Variants in DSC3 observed in about 807,000 individuals in gnomAD.
The protein encoded by DSC3 is desmocollin-3.
DSC3 carries 97 observed loss-of-function variants against 89.5 expected under a neutral mutation model. The ratio of observed to expected loss-of-function variants is 1.08; its 90% CI spans 0.92 to 1.28. The LOEUF (loss-of-function observed/expected upper bound fraction) is 1.28. Ranked by LOEUF, DSC3 falls within the 50% of genes most tolerant of loss-of-function variation. The pLI, the probability that DSC3 is intolerant of heterozygous loss-of-function variation, is 0.00. For synonymous variants in DSC3, 436 were observed against 384.1 expected (o/e 1.14, Z -1.58); for missense variants, 1,199 against 1,085.3 (o/e 1.10, Z -1.47).
chr18:30,994,496 C>T (rs1984389579), intron 15 of DSC3, 124 bp from the exon 16 acceptor site: 1 of 1,590,102 alleles, frequency 6.3e-7, no homozygotes, highest in Non-Finnish European at 8.6e-7. Flanking sequence ...CTAATGGATT[C>T]CTACACACAG....
At chr18:31,039,912 T>C (rs981362210) in intron 1 of DSC3, among the ~76,000 whole-genome samples, 3 of 152,224 alleles carry the variant, frequency 2.0e-5, no homozygotes, top group Non-Finnish European at 2.9e-5. Flanking sequence ...CTAGTTTTCA[T>C]CTACTTCCTT....
chr18:31,001,680 C>T lies in DSC3; in HGVS notation c.2173G>A (p.Glu725Lys), dbSNP rs1253348459. Reference protein sequence around the residue: ...FGATKGKRFPEDLAQQNLIIS... With the variant: ...FGATKGKRFPKDLAQQNLIIS... ...ATTAAGTTTTGCTGTGCTAAATCTT[C>T]AGGAAAACGTTTCCCTTTAGTTGCA... Residue 725 changes from glutamate (E) to lysine (K), a missense_variant, in exon 14 of 16, where the codon GAA (glutamate) becomes AAA (lysine). Glu to Lys is a moderately conservative substitution (Grantham distance 56, BLOSUM62 1). Transcript: ENST00000360428. The T allele has an allele frequency of 6.2e-7, 1 of 1,611,058 alleles. No homozygotes were observed. Among genetic ancestry groups the T allele is most frequent in the Admixed American group, 1.7e-5 (1 of 59,970 alleles).
At position 30,993,820 on chromosome 18, in the gene DSC3, TCACTTAAAGTGAATAC is replaced by T. The variant is rs1279426689; in HGVS notation, c.*339_*354del. On this transcript the variant is annotated 3_prime_UTR_variant, in exon 16 of 16. Coordinates refer to ENST00000360428, the MANE Select transcript of DSC3 (RefSeq NM_001941.5). ...TATTTCTTGTTTATTTTTTAAACTA[TCACTTAAAGTGAATAC>T]ATAATAATGTGATATTAGCATAACT... The T allele has an allele frequency of 5.3e-6, 1 of 187,448 alleles. No homozygotes were observed. Among genetic ancestry groups the T allele is most frequent in the Non-Finnish European group, 1.1e-5 (1 of 89,038 alleles). The allele number at this position is 187,448 out of a possible 1,614,324, so 11.6% of individuals were successfully genotyped here.
At chr18:31,009,536 A>G (rs1336838704) in intron 9 of DSC3, among the ~76,000 whole-genome samples, 1 of 152,174 alleles carries the variant, frequency 6.6e-6, no homozygotes, top group African/African-American at 2.4e-5. Flanking sequence ...TTTTATGAAA[A>G]TTACATTTTT....
At chr18:31,019,297 G>T (rs908542763) in intron 7 of DSC3, among the ~76,000 whole-genome samples, 38 of 152,012 alleles carry the variant, frequency 2.5e-4, no homozygotes, top group Non-Finnish European at 8.8e-5. Context: ...CACCATGTTG[G>T]CCAGGCTGGT....
At position 30,989,707 on chromosome 18, in the gene DSC3, A is replaced by G. The variant is rs1984167402; in HGVS notation, c.*4468T>C. Among the ~76,000 whole-genome samples, 1 of 152,218 alleles carries G rather than the reference A, an allele frequency of 6.6e-6. No individual in the cohort carries two copies. The highest frequency in any genetic ancestry group is 2.4e-5 in the African/African-American group (1 of 41,464). On this transcript the variant is annotated 3_prime_UTR_variant, in exon 16 of 16. Coordinates refer to ENST00000360428, the MANE Select transcript of DSC3 (RefSeq NM_001941.5). ...GCAATCAAAATAAACTGTCGAATAC[A>G]GAAGCCCGTAAACATGTTCTGAATA...
chr18:31,009,734 C>A (rs1374821102), intron 9 of DSC3, among the ~76,000 whole-genome samples: 1 of 152,068 alleles, frequency 6.6e-6, no homozygotes, highest in Non-Finnish European at 1.5e-5. Context: ...GTATTATTGA[C>A]CTCATCCTCA....
At chr18:31,017,182 C>T (rs1166319742) in intron 9 of DSC3, among the ~76,000 whole-genome samples, 1 of 152,174 alleles carries the variant, frequency 6.6e-6, no homozygotes, top group Middle Eastern at 3.4e-3. Context: ...TGTCAAGAGT[C>T]TATATTTGAC....
At chr18:31,003,417 G>A (rs1984733940) in intron 13 of DSC3, among the ~76,000 whole-genome samples, 1 of 152,126 alleles carries the variant, frequency 6.6e-6, no homozygotes, top group Non-Finnish European at 1.5e-5. Context: ...TTGACTTGAT[G>A]AAAAATAATG....
chr18:31,017,543 GA>G (rs774914710), intron 9 of DSC3, among the ~76,000 whole-genome samples: 1 of 152,040 alleles, frequency 6.6e-6, no homozygotes, highest in East Asian at 1.9e-4. Context: ...ATTTCATTGT[GA>G]ATATCACCTT....
At chr18:31,034,500 C>G (rs1182493030) in intron 1 of DSC3, among the ~76,000 whole-genome samples, 2 of 152,050 alleles carry the variant, frequency 1.3e-5, no homozygotes, top group Non-Finnish European at 2.9e-5. Flanking sequence ...AAACGTAAAC[C>G]TATATGATCC....
intron 15 of DSC3, among the ~76,000 whole-genome samples, chr18:30,996,264 TAA>T (rs1984462466): frequency 6.6e-6 from 1 of 152,304 alleles, no homozygotes; most frequent in African/African-American, 2.4e-5. Flanking sequence ...ATGCATATGT[TAA>T]GTGTGATTTA....
rs1379718162 is a variant in DSC3 at position 30,990,020 on chromosome 18, T to TTA, written c.*4153_*4154dup. 2 of 152,162 alleles carry TTA rather than the reference T, an allele frequency of 1.3e-5. No individual in the cohort carries two copies. The highest frequency in any genetic ancestry group is 4.8e-5 in the African/African-American group (2 of 41,434). 9.4% of individuals were successfully genotyped at this position (152,162 alleles called of 1,614,324 possible). ...ATTGTCTGGAAATCATGTTTCGGGA[T>TTA]TATATATATGCACAAACTTTATTTC... On this transcript the variant is annotated 3_prime_UTR_variant, in exon 16 of 16. Transcript: ENST00000360428.
intron 4 of DSC3, among the ~76,000 whole-genome samples, chr18:31,027,106 T>A (rs1985622839): frequency 6.6e-6 from 1 of 152,106 alleles, no homozygotes; most frequent in Admixed American, 6.6e-5. Context: ...AATCAAAAGT[T>A]TAACTATGAG....
At chr18:31,000,017 G>C (rs1282565402) in intron 14 of DSC3, among the ~76,000 whole-genome samples, 1 of 152,064 alleles carries the variant, frequency 6.6e-6, no homozygotes, top group Non-Finnish European at 1.5e-5. Context: ...AACTTACTAT[G>C]AGTCAAGGAC....
intron 7 of DSC3, among the ~76,000 whole-genome samples, chr18:31,021,780 C>T (rs188698578): frequency 3.9e-4 from 60 of 152,116 alleles, no homozygotes; most frequent in Non-Finnish European, 7.6e-4. Context: ...GGATATAACA[C>T]GTGTCTAGTC....
rs1598549599 is a variant in DSC3 at position 31,029,493 on chromosome 18, A to G, written c.474+16T>C. On this transcript the variant is annotated intron_variant, in intron 4 of 15. Coordinates refer to ENST00000360428, the MANE Select transcript of DSC3 (RefSeq NM_001941.5). ...TAGAATTAAAGCAACCCTGACCAGA[A>G]AAGGTGTAAACCTACTTGTTGAAGA... 1.9e-6 allele frequency: 3 copies of G among 1,613,632 alleles called. No homozygotes were observed. The highest frequency in any genetic ancestry group is 2.2e-5 in the East Asian group (1 of 44,864).
intron 5 of DSC3, 87 bp downstream of exon 5, chr18:31,025,673 A>G: frequency 7.3e-7 from 1 of 1,375,856 alleles, no homozygotes; most frequent in Non-Finnish European, 1.0e-6. Flanking sequence ...AAGAGAATGC[A>G]AGGAGAGAGG....
At chr18:31,031,705 T>C (rs1214361391) in intron 2 of DSC3, among the ~76,000 whole-genome samples, 1 of 152,194 alleles carries the variant, frequency 6.6e-6, no homozygotes, top group East Asian at 1.9e-4. Flanking sequence ...CCCAAAATAC[T>C]CTGTGTGTTC....
Sources: gnomAD v4.1 joint callset for allele counts (sites outside exome capture counted in the v4.1 genomes callset) on GRCh38, gnomAD v4.1.1 for gene constraint, MANE v1.5 for transcripts, NCBI Gene and HGNC (gene_info 2026-07-23, HGNC 2026-07-21) for gene names.